The following TMC3 variants were observed in gnomAD, a reference collection of about 807,000 sequenced individuals.
TMC3 encodes the protein transmembrane channel like 3.
TMC3 carries 98 observed loss-of-function variants against 110.6 expected under a neutral mutation model. The ratio of observed to expected loss-of-function variants is 0.89; its 90% CI spans 0.75 to 1.05. The LOEUF (loss-of-function observed/expected upper bound fraction) is 1.05. Among genes scored for constraint, TMC3 ranks in the 50% least tolerant of loss-of-function variants. The probability of loss-of-function intolerance (pLI) is 0.00; values close to 1 mark genes in which losing one functional copy is unlikely to be tolerated. For missense variants in TMC3, 1,319 were observed against 1,373.2 expected, an observed-to-expected ratio of 0.96 and a Z score of 0.62; for synonymous variants, 489 against 513.1, an observed-to-expected ratio of 0.95 and a Z score of 0.63.
Position 81,341,496 on chromosome 15 carries a change from A to T in TMC3, c.1738T>A (p.Cys580Ser). 1 of 1,611,028 alleles carries T rather than the reference A, an allele frequency of 6.2e-7. No homozygotes were observed. The highest frequency in any genetic ancestry group is 8.5e-7 in the Non-Finnish European group (1 of 1,178,534). The stretch of plus-strand genomic sequence containing the variant: ...TTGAGAACGTTGAACGCTGGGAGAC[A>T]TGGGGAGAAGAAGGCCCCCATCCTG... ...MIWMGAFFSP[C>S]LPAFNVLKLI... The change falls in exon 16 of 22, where the codon TGT becomes AGT. Residue 580 changes from cysteine (C) to serine (S), a missense_variant. Physicochemically the swap from Cys to Ser is moderately radical, Grantham distance 112. Coordinates refer to ENST00000359440, the MANE Select transcript of TMC3 (RefSeq NM_001080532.3).
intron 9 of TMC3, among the ~76,000 whole-genome samples, chr15:81,354,584 A>T (rs1003423287): frequency 3.3e-5 from 5 of 152,164 alleles, no homozygotes; most frequent in Admixed American, 1.3e-4. Flanking sequence ...GGCACCAAAC[A>T]GCGGGTACGA....
rs1289540797 is a variant in TMC3, at chr15:81,337,503, C to A, written c.2160+343G>T. 2.3e-5 allele frequency: 9 copies of A among 399,868 alleles called. No individual in the cohort carries two copies. In the Admixed American group the frequency reaches 3.3e-4, roughly 15 times the overall value. 24.8% of individuals were successfully genotyped at this position (399,868 alleles called of 1,614,324 possible). On this transcript the variant is annotated intron_variant, in intron 19 of 21. Coordinates refer to ENST00000359440, the MANE Select transcript of TMC3 (RefSeq NM_001080532.3). ...AAGTTGACAAGGATTGGGAAGGGGC[C>A]CTTTCTCTCCCCTGCCAATCTACCA...
chr15:81,362,314 G>T lies in TMC3; in HGVS notation c.313-13C>A, dbSNP rs1337080017. The stretch of plus-strand genomic sequence containing the variant: ...ATTTCCGCCAGAGCTAGACAAGAGG[G>T]GTCAGGATTAGAGAGGTCACGTACA... On this transcript the variant is annotated splice_polypyrimidine_tract_variant and intron_variant, in intron 3 of 21. Transcript: ENST00000359440. 2 of 1,607,316 alleles carry T rather than the reference G, an allele frequency of 1.2e-6. No homozygotes were observed. The highest frequency in any genetic ancestry group is 1.7e-6 in the Non-Finnish European group (2 of 1,176,298).
At chr15:81,354,372 G>A (rs1375750880) in intron 9 of TMC3, among the ~76,000 whole-genome samples, 1 of 152,218 alleles carries the variant, frequency 6.6e-6, no homozygotes, top group East Asian at 1.9e-4. Context: ...CAAATGCAGG[G>A]CCTTCTGAGG....
rs1429410528 is a variant in TMC3 at position 81,359,467 on chromosome 15, A to G, written c.399T>C (p.His133=). 6.3e-7 allele frequency: 1 copy of G among 1,581,498 alleles called. No individual in the cohort carries two copies. The highest frequency in any genetic ancestry group is 8.6e-7 in the Non-Finnish European group (1 of 1,165,010). The stretch of plus-strand genomic sequence containing the variant: ...AATAGGAGGCAACGCCAGATCCAAA[A>G]TGACCTAAAGAAAGACAAGATAATG... The part of the protein sequence containing the change: ...WEMRIKKIES[H]FGSGVASYFI... The change falls in exon 5 of 22, where the codon CAT becomes CAC. Residue 133 remains histidine (H), a synonymous_variant. Coordinates refer to ENST00000359440, the MANE Select transcript of TMC3 (RefSeq NM_001080532.3).
intron 9 of TMC3, 140 bp from the exon 10 acceptor site, chr15:81,351,981 C>G: frequency 1.1e-6 from 1 of 922,928 alleles, no homozygotes; most frequent in Non-Finnish European, 1.6e-6. Flanking sequence ...GCACTTCCAG[C>G]CCACCCCACC....
rs1175063759 is a variant in TMC3, at chr15:81,336,604, C to T, written c.2203+5G>A. The T allele has an allele frequency of 6.2e-7, 1 of 1,613,724 alleles. No individual in the cohort carries two copies. Among genetic ancestry groups the T allele is most frequent in the Non-Finnish European group, 8.5e-7 (1 of 1,179,798 alleles). On this transcript the variant is annotated splice_donor_5th_base_variant and intron_variant, in intron 20 of 21. Coordinates refer to ENST00000359440, the MANE Select transcript of TMC3 (RefSeq NM_001080532.3). ...ACAACAACAAAAAGAAACGGAAATA[C>T]TTACCTTCTACCATCTGGGCAACCT...
chr15:81,362,256 AGAT>A lies in TMC3; in HGVS notation c.355_357del (p.Ile119del). 6.2e-7 allele frequency: 1 copy of A among 1,612,630 alleles called. No individual in the cohort carries two copies. The highest frequency in any genetic ancestry group is 1.1e-5 in the South Asian group (1 of 90,680). On this transcript the variant is annotated inframe_deletion, in exon 4 of 22. Transcript: ENST00000359440. Reference sequence around the variant, plus strand: ...TTTATCCTCATTTCCCAGGGAATGAAGATGACCACAAAGTTACAGGCGAGACGA... The same window carrying A: ...TTTATCCTCATTTCCCAGGGAATGAAGACCACAAAGTTACAGGCGAGACGA...
chr15:81,372,747 C>A lies in TMC3; in HGVS notation c.90-10G>T, dbSNP rs568129672. Reference sequence around the variant, plus strand: ...GCTGTCATCCAAGTTGCTGAATGATCAGGGCATTAAGGAGGAAATCTGATT... The same window carrying A: ...GCTGTCATCCAAGTTGCTGAATGATAAGGGCATTAAGGAGGAAATCTGATT... On this transcript the variant is annotated splice_polypyrimidine_tract_variant and intron_variant, in intron 1 of 21. Coordinates refer to ENST00000359440, the MANE Select transcript of TMC3 (RefSeq NM_001080532.3). The A allele has an allele frequency of 6.2e-6, 10 of 1,613,556 alleles. No individual in the cohort carries two copies. In the South Asian group the frequency reaches 1.1e-4, roughly 18 times the overall value.
At chr15:81,343,825 C>G (rs1450757765) in intron 14 of TMC3, 92 bp downstream of exon 14, 3 of 1,432,988 alleles carry the variant, frequency 2.1e-6, no homozygotes, top group South Asian at 2.5e-5. Flanking sequence ...GTGTGTCCCC[C>G]TCAACTATGC....
intron 15 of TMC3, among the ~76,000 whole-genome samples, chr15:81,342,039 C>A (rs766620497): frequency 6.6e-6 from 1 of 152,134 alleles, no homozygotes; most frequent in Non-Finnish European, 1.5e-5. Flanking sequence ...ATGGGGAAAC[C>A]AAAGACATGT....
chr15:81,332,925 G>C lies in TMC3; in HGVS notation c.2797C>G (p.Pro933Ala), dbSNP rs536106903. ...RNVRQYASRV[P>A]RQPPSPQLSE... ...AGCTGTGGGGAGGGAGGCTGGCGGG[G>C]GACCCGGGATGCATATTGTCGCACG... Residue 933 changes from proline (P) to alanine (A), a missense_variant, in exon 22 of 22, where the codon CCC becomes GCC. Physicochemically the swap from Pro to Ala is conservative, Grantham distance 27. Coordinates refer to ENST00000359440, the MANE Select transcript of TMC3 (RefSeq NM_001080532.3). 3.1e-6 allele frequency: 5 copies of C among 1,612,736 alleles called. No homozygotes were observed. In the East Asian group the frequency reaches 1.1e-4, roughly 36 times the overall value.
chr15:81,336,836 C>A (rs1318116784), intron 19 of TMC3, among the ~76,000 whole-genome samples, 185 bp from the exon 20 acceptor site: 1 of 152,156 alleles, frequency 6.6e-6, no homozygotes, highest in Non-Finnish European at 1.5e-5. Flanking sequence ...TGAATAAATG[C>A]AGATACCTGA....
chr15:81,350,218 G>C (rs1893918060), intron 10 of TMC3, among the ~76,000 whole-genome samples: 1 of 152,192 alleles, frequency 6.6e-6, no homozygotes, highest in South Asian at 2.1e-4. Flanking sequence ...CTGGGCAACA[G>C]AGTGAAACCT....
At chr15:81,353,997 C>G (rs1412103453) in intron 9 of TMC3, among the ~76,000 whole-genome samples, 1 of 152,206 alleles carries the variant, frequency 6.6e-6, no homozygotes, top group Non-Finnish European at 1.5e-5. Context: ...AATTTGGTCT[C>G]ACTTCTCATA....
intron 9 of TMC3, among the ~76,000 whole-genome samples, chr15:81,352,888 C>T (rs376530127): frequency 7.2e-5 from 11 of 152,324 alleles, no homozygotes; most frequent in African/African-American, 1.9e-4. Flanking sequence ...AGCACAATCT[C>T]GGCTCACTGC....
chr15:81,339,615 A>G (rs1013488478), intron 16 of TMC3, 111 bp from the exon 17 acceptor site: 2 of 781,998 alleles, frequency 2.6e-6, no homozygotes, highest in Non-Finnish European at 4.3e-6. Flanking sequence ...TTTGCAAACT[A>G]AAAATCCTCC....
chr15:81,335,047 T>G, intron 20 of TMC3, 72 bp from the exon 21 acceptor site: 1 of 1,548,612 alleles, frequency 6.5e-7, no homozygotes, highest in South Asian at 1.2e-5. Flanking sequence ...TGAGTTGAGT[T>G]GCAAGGGTTT....
chr15:81,333,293 G>T, intron 21 of TMC3, 31 bp from the exon 22 acceptor site: 1 of 1,570,906 alleles, frequency 6.4e-7, no homozygotes, highest in South Asian at 1.2e-5. Flanking sequence ...AGTAGCTGTG[G>T]CCTTGGTGGT....
Sources: gnomAD v4.1 joint callset for allele counts (sites outside exome capture counted in the v4.1 genomes callset) on GRCh38, gnomAD v4.1.1 for gene constraint, MANE v1.5 for transcripts, NCBI Gene and HGNC (gene_info 2026-07-23, HGNC 2026-07-21) for gene names.